The following DEPTOR variants were observed in gnomAD, a reference collection of about 807,000 sequenced individuals.
DEPTOR encodes the protein DEP domain containing MTOR interacting protein, also known as DEP domain-containing mTOR-interacting protein.
A neutral mutation model predicts 41.6 loss-of-function variants in DEPTOR; 41 were observed. That is an observed-to-expected ratio of 0.98 (90% confidence interval 0.77 to 1.28). DEPTOR has a LOEUF of 1.28. DEPTOR is among the 50% of genes most tolerant of loss of function. The probability of loss-of-function intolerance (pLI) is 0.00; values close to 1 mark genes in which losing one functional copy is unlikely to be tolerated. For synonymous variants in DEPTOR, 195 were observed against 192.3 expected, an observed-to-expected ratio of 1.01 and a Z score of -0.12; for missense variants, 514 against 527.9, an observed-to-expected ratio of 0.97 and a Z score of 0.26.
chr8:119,992,869 C>T (rs1445029975), intron 4 of DEPTOR, among the ~76,000 whole-genome samples: 1 of 151,980 alleles, frequency 6.6e-6, no homozygotes, highest in Non-Finnish European at 1.5e-5. Context: ...GTTGGCCAGG[C>T]TAGTTTCGAA....
At chr8:119,882,757 T>C (rs1827314447) in intron 1 of DEPTOR, among the ~76,000 whole-genome samples, 1 of 152,140 alleles carries the variant, frequency 6.6e-6, no homozygotes, top group African/African-American at 2.4e-5. Context: ...TTCCCCTTCA[T>C]TGGTGGCTCT....
intron 8 of DEPTOR, among the ~76,000 whole-genome samples, chr8:120,038,725 A>T (rs1316664916): frequency 6.6e-6 from 1 of 152,228 alleles, no homozygotes; most frequent in African/African-American, 2.4e-5. Context: ...GAAGCTGATT[A>T]TCCACTGCTC....
At chr8:119,907,026 G>C (rs1173318546) in intron 1 of DEPTOR, among the ~76,000 whole-genome samples, 1 of 152,150 alleles carries the variant, frequency 6.6e-6, no homozygotes, top group Non-Finnish European at 1.5e-5. Flanking sequence ...AAGAGAATGA[G>C]GCTATTCTTC....
intron 8 of DEPTOR, among the ~76,000 whole-genome samples, chr8:120,019,893 G>C (rs1022401192): frequency 6.6e-6 from 1 of 152,094 alleles, no homozygotes; most frequent in Non-Finnish European, 1.5e-5. Context: ...CCAAGTTCCT[G>C]TTCCTAACCT....
At chr8:120,003,465 C>A (rs939854368) in intron 6 of DEPTOR, among the ~76,000 whole-genome samples, 23 of 152,108 alleles carry the variant, frequency 1.5e-4, no homozygotes, top group Non-Finnish European at 2.1e-4. Context: ...TTGGGCAAAG[C>A]AGGTGTCTTC....
chr8:120,021,557 G>A (rs945580877), intron 8 of DEPTOR, among the ~76,000 whole-genome samples: 12 of 151,964 alleles, frequency 7.9e-5, no homozygotes, highest in African/African-American at 2.2e-4. Context: ...GCTTAAATAC[G>A]CTTATATTTG....
chr8:120,019,150 C>T (rs945050256), intron 8 of DEPTOR, among the ~76,000 whole-genome samples: 8 of 151,938 alleles, frequency 5.3e-5, no homozygotes, highest in African/African-American at 1.2e-4. Flanking sequence ...ACTGAGAATA[C>T]AAAAATTAGC....
chr8:119,959,158 C>CTTTCT (rs1828456253), intron 3 of DEPTOR, among the ~76,000 whole-genome samples: 1 of 114,870 alleles, frequency 8.7e-6, no homozygotes, highest in Non-Finnish European at 1.8e-5. Flanking sequence ...TTCTTTCTTT[C>CTTTCT]TTTTTTTTTT....
chr8:119,940,461 T>C (rs1364874041), intron 3 of DEPTOR, among the ~76,000 whole-genome samples: 1 of 151,250 alleles, frequency 6.6e-6, no homozygotes, highest in Non-Finnish European at 1.5e-5. Context: ...AAAGGAAAAA[T>C]ATGGCCGGGC....
intron 4 of DEPTOR, among the ~76,000 whole-genome samples, chr8:119,976,916 T>G (rs961736235): frequency 2.0e-5 from 3 of 152,216 alleles, no homozygotes; most frequent in African/African-American, 7.2e-5. Flanking sequence ...AAATGAGTGC[T>G]TGGCAGGCTG....
chr8:120,035,979 C>T (rs1422210683), intron 8 of DEPTOR, among the ~76,000 whole-genome samples: 1 of 152,234 alleles, frequency 6.6e-6, no homozygotes, highest in Non-Finnish European at 1.5e-5. Flanking sequence ...CACAAATTCT[C>T]CCTTCAGCCT....
chr8:120,001,417 A>C, intron 4 of DEPTOR, 108 bp from the exon 5 acceptor site: 1 of 969,358 alleles, frequency 1.0e-6, no homozygotes, highest in Non-Finnish European at 1.5e-6. Context: ...GTGGAAGAGA[A>C]GTCTTTCTTG....
chr8:120,023,714 G>GT (rs1038072515), intron 8 of DEPTOR, among the ~76,000 whole-genome samples: 1 of 151,500 alleles, frequency 6.6e-6, no homozygotes, highest in African/African-American at 2.4e-5. Flanking sequence ...GGATTTTTTT[G>GT]TTTTTTTGTT....
At chr8:119,974,119 C>T (rs146001018) in intron 4 of DEPTOR, among the ~76,000 whole-genome samples, 334 of 149,868 alleles carry the variant, frequency 2.2e-3, no homozygotes, top group Middle Eastern at 3.4e-3. Context: ...AAGGTACTAA[C>T]TGGGTGTGGT....
intron 2 of DEPTOR, among the ~76,000 whole-genome samples, chr8:119,929,081 A>G (rs1451705842): frequency 6.6e-6 from 1 of 152,160 alleles, no homozygotes; most frequent in African/African-American, 2.4e-5. Context: ...TTGCTGTTGT[A>G]TAATACATAT....
At chr8:119,888,547 G>A (rs925745563) in intron 1 of DEPTOR, among the ~76,000 whole-genome samples, 1 of 152,056 alleles carries the variant, frequency 6.6e-6, no homozygotes, top group Non-Finnish European at 1.5e-5. Flanking sequence ...CAACAATCTT[G>A]ATGGATAAAC....
At chr8:119,947,983 T>G (rs1828304796) in intron 3 of DEPTOR, among the ~76,000 whole-genome samples, 1 of 152,162 alleles carries the variant, frequency 6.6e-6, no homozygotes. Flanking sequence ...GCATTTGTAC[T>G]TGCTCCTTGA....
At chr8:119,959,262 A>T (rs1376742730) in intron 3 of DEPTOR, among the ~76,000 whole-genome samples, 1 of 143,512 alleles carries the variant, frequency 7.0e-6, no homozygotes, top group Non-Finnish European at 1.5e-5. Flanking sequence ...TCCCGGGCTC[A>T]CGCCATTCTC....
intron 8 of DEPTOR, among the ~76,000 whole-genome samples, chr8:120,029,412 T>C (rs1188858538): frequency 2.0e-5 from 3 of 152,156 alleles, no homozygotes; most frequent in East Asian, 1.9e-4. Context: ...TATTTATTTA[T>C]TGAGACGGAG....
Sources: allele counts gnomAD v4.1 joint callset (sites outside exome capture counted in the v4.1 genomes callset), GRCh38; gene constraint gnomAD v4.1.1; transcripts MANE v1.5; gene names NCBI Gene and HGNC (gene_info 2026-07-23, HGNC 2026-07-21).